THRAP3: variants seen among roughly 807,000 people sequenced by gnomAD.
THRAP3 encodes thyroid hormone receptor-associated protein 3.
A neutral mutation model predicts 101.0 loss-of-function variants in THRAP3; 16 were observed. The observed-to-expected ratio is 0.16, with a 90% CI of 0.11 to 0.24. The LOEUF is 0.24. Among genes scored for constraint, THRAP3 ranks in the 10% least tolerant of loss-of-function variants. The probability of loss-of-function intolerance (pLI) is 1.00; values close to 1 mark genes in which losing one functional copy is unlikely to be tolerated. For missense variants in THRAP3, 989 were observed against 1,202.7 expected (o/e 0.82, Z 2.63); for synonymous variants, 407 against 422.6 (o/e 0.96, Z 0.45).
intron 1 of THRAP3, among the ~76,000 whole-genome samples, chr1:36,229,418 T>G (rs1322479690): frequency 3.0e-3 from 137 of 45,128 alleles, no homozygotes; most frequent in Non-Finnish European, 4.1e-3. Flanking sequence ...TTTTGTTTTT[T>G]TTTTGTTTTT....
chr1:36,261,145 C>T (rs1645440419), intron 2 of THRAP3, among the ~76,000 whole-genome samples: 1 of 152,132 alleles, frequency 6.6e-6, no homozygotes, highest in Admixed American at 6.5e-5. Flanking sequence ...CACCTGTAAG[C>T]GAAGCACTTT....
chr1:36,245,233 C>T (rs1379390535), intron 1 of THRAP3, among the ~76,000 whole-genome samples: 3 of 150,468 alleles, frequency 2.0e-5, no homozygotes, highest in African/African-American at 4.9e-5. Context: ...CTGGCACAAT[C>T]TTGGTTCACT....
chr1:36,271,529 C>T (rs1485282995), intron 2 of THRAP3, among the ~76,000 whole-genome samples: 1 of 151,636 alleles, frequency 6.6e-6, no homozygotes, highest in African/African-American at 2.4e-5. Flanking sequence ...GATCTGCCTA[C>T]CTTGGCTTCC....
intron 1 of THRAP3, among the ~76,000 whole-genome samples, chr1:36,229,574 G>C (rs1344497526): frequency 6.6e-6 from 1 of 152,024 alleles, no homozygotes; most frequent in East Asian, 1.9e-4. Flanking sequence ...ATTTTCTAAT[G>C]TTTTCTTTCT....
At chr1:36,231,585 G>GT (rs1450588016) in intron 1 of THRAP3, among the ~76,000 whole-genome samples, 3 of 152,164 alleles carry the variant, frequency 2.0e-5, no homozygotes, top group African/African-American at 7.2e-5. Flanking sequence ...ATTGTTTTCA[G>GT]TAGTGCCATG....
At chr1:36,256,216 A>ATTATTG (rs1553194383) in intron 1 of THRAP3, among the ~76,000 whole-genome samples, 1 of 144,786 alleles carries the variant, frequency 6.9e-6, no homozygotes, top group Admixed American at 7.0e-5. Context: ...TATTGTTATT[A>ATTATTG]TTGTTATTAT....
the THRAP3 span, among the ~76,000 whole-genome samples, chr1:36,215,065 C>CA: frequency 6.3e-5 from 9 of 143,482 alleles, no homozygotes; most frequent in Admixed American, 4.2e-4. Flanking sequence ...ACTAAGAATA[C>CA]AAAAAAAAAT....
In THRAP3 at chr1:36,278,042, C is replaced by T. The variant is rs189430675; in HGVS notation, c.-31-4491C>T. Among the ~76,000 whole-genome samples the T allele has an allele frequency of 5.7e-3, 845 of 148,672 alleles. 4 individuals are homozygous for T. Among genetic ancestry groups the T allele is most frequent in the Middle Eastern group, 0.011 (3 of 282 alleles). ...CCTCTCAAAGTGCTGAGTGGGGTTA[C>T]GGTCGTGAGCCCAGCCCCCCTTTTT... is the stretch of plus-strand genomic sequence containing the variant. On this transcript the variant is annotated intron_variant, in intron 2 of 11. Transcript: ENST00000354618.
At chr1:36,276,073 A>T (rs976607075) in intron 2 of THRAP3, among the ~76,000 whole-genome samples, 1 of 152,142 alleles carries the variant, frequency 6.6e-6, no homozygotes, top group Non-Finnish European at 1.5e-5. Context: ...ATCATAATGG[A>T]TCATAGACCT....
chr1:36,261,055 A>G (rs1279646550), intron 2 of THRAP3, among the ~76,000 whole-genome samples: 1 of 152,170 alleles, frequency 6.6e-6, no homozygotes, highest in Non-Finnish European at 1.5e-5. Context: ...AACTCTAACC[A>G]TAAGTGTAAA....
At chr1:36,213,957 AAGAAGGAAAG>A in the THRAP3 span, among the ~76,000 whole-genome samples, 1 of 123,392 alleles carries the variant, frequency 8.1e-6, no homozygotes, top group Non-Finnish European at 1.7e-5. Flanking sequence ...GAAAGAAAGA[AAGAAGGAAAG>A]AGAAAGAAAG....
At chr1:36,207,933 C>T in the THRAP3 span, among the ~76,000 whole-genome samples, 3 of 152,148 alleles carry the variant, frequency 2.0e-5, no homozygotes, top group Non-Finnish European at 4.4e-5. Flanking sequence ...GCTGGGACTA[C>T]AGGCACCCAC....
chr1:36,210,163 G>A, the THRAP3 span, among the ~76,000 whole-genome samples: 2 of 149,702 alleles, frequency 1.3e-5, no homozygotes, highest in South Asian at 4.2e-4. Context: ...TCAGAAGATC[G>A]AGACCATCCT....
intron 1 of THRAP3, among the ~76,000 whole-genome samples, chr1:36,237,109 G>A (rs1645099499): frequency 6.6e-6 from 1 of 151,960 alleles, no homozygotes; most frequent in South Asian, 2.1e-4. Context: ...CTGGGAGGTG[G>A]AGGTTGCGTG....
chr1:36,289,512 G>A lies in THRAP3; in HGVS notation c.1493G>A (p.Arg498Lys). 6.2e-7 allele frequency: 1 copy of A among 1,614,048 alleles called. No individual in the cohort carries two copies. The highest frequency in any genetic ancestry group is 1.1e-5 in the South Asian group (1 of 91,066). ...EELEEESFPE[R>K]SKKEDRGKRS... ...CTGGAGGAGGAGTCTTTCCCAGAGA[G>A]ATCCAAAAAGGAAGATCGGGGCAAG... Residue 498 changes from arginine (R) to lysine (K), a missense_variant, in exon 5 of 12, where the codon AGA becomes AAA. By Grantham distance (26) the Arg-to-Lys change is conservative. Coordinates refer to ENST00000354618, the MANE Select transcript of THRAP3 (RefSeq NM_005119.4).
chr1:36,264,094 C>G (rs1040364879), intron 2 of THRAP3, among the ~76,000 whole-genome samples: 2 of 152,222 alleles, frequency 1.3e-5, no homozygotes, highest in African/African-American at 4.8e-5. Flanking sequence ...GAGTCTCGCT[C>G]TGTCGCCCAG....
chr1:36,262,242 G>A (rs1268947864), intron 2 of THRAP3, among the ~76,000 whole-genome samples: 5 of 152,040 alleles, frequency 3.3e-5, no homozygotes, highest in African/African-American at 7.3e-5. Flanking sequence ...TATACCTGTA[G>A]CTCATCTCAG....
intron 1 of THRAP3, among the ~76,000 whole-genome samples, chr1:36,236,354 A>G (rs1313406545): frequency 6.6e-6 from 1 of 152,174 alleles, no homozygotes; most frequent in Non-Finnish European, 1.5e-5. Context: ...CAGTCATACT[A>G]GCTATATAGA....
intron 2 of THRAP3, among the ~76,000 whole-genome samples, chr1:36,263,122 T>G (rs1210842705): frequency 6.6e-6 from 1 of 151,736 alleles, no homozygotes; most frequent in Non-Finnish European, 1.5e-5. Context: ...TTTTATTTAT[T>G]TTTTGGAGGC....
Sources: gnomAD v4.1 joint callset for allele counts (sites outside exome capture counted in the v4.1 genomes callset) on GRCh38, gnomAD v4.1.1 for gene constraint, MANE v1.5 for transcripts, NCBI Gene and HGNC (gene_info 2026-07-23, HGNC 2026-07-21) for gene names.